The following FCHSD1 variants were observed in gnomAD, a reference collection of about 807,000 sequenced individuals.
FCHSD1 encodes the protein FCH and double SH3 domains 1.
A neutral mutation model predicts 101.3 loss-of-function variants in FCHSD1; 109 were observed. The observed-to-expected ratio is 1.08, with a 90% CI of 0.92 to 1.26. The LOEUF is 1.26. FCHSD1 is among the 50% of genes most tolerant of loss of function. The pLI is 0.00. For missense variants in FCHSD1, 820 were observed against 895.8 expected, an observed-to-expected ratio of 0.92 and a Z score of 1.08; for synonymous variants, 291 against 356.8, an observed-to-expected ratio of 0.82 and a Z score of 2.08.
Position 141,640,306 on chromosome 5 carries a change from A to G in FCHSD1, c.*1192T>C. Reference sequence around the variant, plus strand: ...ACTTCTGATCACCAGGTAGGAAAACACAGCCGGGACTGCACTGGGCTGGGC... The same window carrying G: ...ACTTCTGATCACCAGGTAGGAAAACGCAGCCGGGACTGCACTGGGCTGGGC... On this transcript the variant is annotated 3_prime_UTR_variant, in exon 20 of 20. Coordinates refer to ENST00000435817, the MANE Select transcript of FCHSD1 (RefSeq NM_033449.3). 6.2e-7 allele frequency: 1 copy of G among 1,613,776 alleles called. No homozygotes were observed. Among genetic ancestry groups the G allele is most frequent in the Non-Finnish European group, 8.5e-7 (1 of 1,179,816 alleles).
Position 141,644,877 on chromosome 5 carries a change from A to G in FCHSD1, c.1506T>C (p.Asp502=), listed in dbSNP as rs1375585759. ...GEWLEVIEEG[D]ADEWVKARNQ... is the part of the protein sequence containing the mutation. ...TACCCACCTTGACCCATTCGTCAGC[A>G]TCTCCCTCCTCTATGACCTCCAGCC... Residue 502 remains aspartate (D), a synonymous_variant, in exon 15 of 20, where the codon GAT becomes GAC. Transcript: ENST00000435817. The G allele has an allele frequency of 6.2e-7, 1 of 1,613,502 alleles. No individual in the cohort carries two copies. The highest frequency in any genetic ancestry group is 1.1e-5 in the South Asian group (1 of 91,032).
intron 17 of FCHSD1, 134 bp from the exon 18 acceptor site, chr5:141,643,222 G>C: frequency 1.6e-6 from 1 of 609,254 alleles, no homozygotes; most frequent in Non-Finnish European, 2.7e-6. Flanking sequence ...CATTCGGTGG[G>C]GGGGTGTAGC....
In FCHSD1 at chr5:141,640,277, A is replaced by G. The variant is rs1289314478; in HGVS notation, c.*1221T>C. The G allele has an allele frequency of 3.1e-6, 5 of 1,613,788 alleles. No homozygotes were observed. In the African/African-American group the frequency reaches 5.3e-5, roughly 17 times the overall value. On this transcript the variant is annotated 3_prime_UTR_variant, in exon 20 of 20. Transcript: ENST00000435817. ...AGGCAAATGGGCAGCCAAGCAAACCAGACACTTCTGATCACCAGGTAGGAA... is the reference window on the plus strand; with the variant it reads ...AGGCAAATGGGCAGCCAAGCAAACCGGACACTTCTGATCACCAGGTAGGAA...
Position 141,645,115 on chromosome 5 carries a change from A to G in FCHSD1, c.1345T>C (p.Cys449Arg), listed in dbSNP as rs2099907484. The G allele has an allele frequency of 3.8e-6, 6 of 1,568,826 alleles. No homozygotes were observed. Among genetic ancestry groups the G allele is most frequent in the African/African-American group, 2.7e-5 (2 of 73,670 alleles). ...TCAAAGAGCTCTCCCGTCTCCTCACATTCCTCAAAGTCAGAAAGCTCAGCA... is the reference window on the plus strand; with the variant it reads ...TCAAAGAGCTCTCCCGTCTCCTCACGTTCCTCAAAGTCAGAAAGCTCAGCA... ...EDAELSDFEECEETGELFEEP... is the reference protein window; with the variant it reads ...EDAELSDFEEREETGELFEEP... Residue 449 changes from cysteine to arginine, a missense_variant, in exon 14 of 20, where the codon TGT becomes CGT. Cys to Arg is a radical substitution (Grantham distance 180). Transcript: ENST00000435817.
rs56206715 is a variant in FCHSD1, at chr5:141,643,848, C to CAA, written c.1863+368_1863+369dup. On this transcript the variant is annotated intron_variant, in intron 17 of 19. Transcript: ENST00000435817. ...GGGCAACAAGAGCGAAACTCTGTCT[C>CAA]AAAAAAAAAAAAAAGAAGAAGGCTT... is the stretch of plus-strand genomic sequence containing the variant. Among the ~76,000 whole-genome samples the CAA allele has an allele frequency of 5.2e-3, 651 of 125,046 alleles. 11 individuals are homozygous for CAA. Among genetic ancestry groups the CAA allele is most frequent in the Middle Eastern group, 0.027 (6 of 226 alleles). The allele number at this position is 125,046 out of a possible 152,430, so 82.0% of individuals were successfully genotyped here. A position where few individuals can be genotyped will look rare whatever the true frequency, so the allele number is the denominator to read the frequency against.
At position 141,640,632 on chromosome 5, in the gene FCHSD1, G is replaced by T. The variant is rs1044423092; in HGVS notation, c.*866C>A. 6.5e-7 allele frequency: 1 copy of T among 1,538,880 alleles called. No individual in the cohort carries two copies. The highest frequency in any genetic ancestry group is 8.7e-7 in the Non-Finnish European group (1 of 1,145,588). On this transcript the variant is annotated 3_prime_UTR_variant, in exon 20 of 20. Coordinates refer to ENST00000435817, the MANE Select transcript of FCHSD1 (RefSeq NM_033449.3). ...CCAGGGGAAAAGCTGGACACAGCTT[G>T]AACAGGAAGCAACAGTGTTATTCTT...
At position 141,644,569 on chromosome 5, in the gene FCHSD1, T is replaced by C. The variant is rs469074; in HGVS notation, c.1642+4A>G. 9 of 1,613,274 alleles carry C rather than the reference T, an allele frequency of 5.6e-6. No individual in the cohort carries two copies. In the African/African-American group the frequency reaches 1.2e-4, roughly 22 times the overall value. The stretch of plus-strand genomic sequence containing the variant: ...TCCTCTAACCCAAAATTTCCCTTTC[T>C]TACCTGTGGGCTCTGCCCCGCAGGG... On this transcript the variant is annotated splice_donor_region_variant and intron_variant, in intron 16 of 19. Transcript: ENST00000435817.
chr5:141,642,908 G>T, intron 18 of FCHSD1, 93 bp downstream of exon 18: 1 of 1,284,704 alleles, frequency 7.8e-7, no homozygotes, highest in Non-Finnish European at 1.1e-6. Context: ...ATGCCTGAAG[G>T]CACGGAGAGG....
chr5:141,649,089 G>A lies in FCHSD1; in HGVS notation c.513-69C>T. The A allele has an allele frequency of 6.2e-7, 1 of 1,613,824 alleles. No homozygotes were observed. Among genetic ancestry groups the A allele is most frequent in the Admixed American group, 1.7e-5 (1 of 60,016 alleles). ...GAATATGAGATCAGAGTCAGGCCCAGCTTTGGTGACTTGGCTCCACCCCTA... is the reference window on the plus strand; with the variant it reads ...GAATATGAGATCAGAGTCAGGCCCAACTTTGGTGACTTGGCTCCACCCCTA... On this transcript the variant is annotated intron_variant, in intron 6 of 19. Coordinates refer to ENST00000435817, the MANE Select transcript of FCHSD1 (RefSeq NM_033449.3). This position sits in a 1 kb window ranked among gnomAD's most constrained non-coding sequence, Gnocchi z 4.1.
At chr5:141,650,511 G>A in intron 2 of FCHSD1, 107 bp from the exon 3 acceptor site, 2 of 1,314,790 alleles carry the variant, frequency 1.5e-6, no homozygotes, top group East Asian at 2.3e-5. Context: ...GTTGGGGGGA[G>A]CCAGGTTCCT....
intron 14 of FCHSD1, 37 bp downstream of exon 14, chr5:141,644,983 A>G: frequency 6.2e-7 from 1 of 1,613,478 alleles, no homozygotes; most frequent in South Asian, 1.1e-5. Context: ...GCTGTCCCCC[A>G]CCCTTGCCCA....
rs532597681 is a variant in FCHSD1 at position 141,650,606 on chromosome 5, C to T, written c.120-202G>A. Among the ~76,000 whole-genome samples the T allele has an allele frequency of 8.5e-5, 13 of 152,176 alleles. No individual in the cohort carries two copies. In the East Asian group the frequency reaches 2.5e-3, roughly 29 times the overall value. Reference sequence around the variant, plus strand: ...CAGCTGCAACACAGGAAACCCTCACCTTACTGCCCCGGGCCCCAGCAGGAT... The same window carrying T: ...CAGCTGCAACACAGGAAACCCTCACTTTACTGCCCCGGGCCCCAGCAGGAT... On this transcript the variant is annotated intron_variant, in intron 2 of 19. Transcript: ENST00000435817.
At chr5:141,650,479 C>G (rs959437273) in intron 2 of FCHSD1, 75 bp from the exon 3 acceptor site, 1 of 1,595,860 alleles carries the variant, frequency 6.3e-7, no homozygotes, top group African/African-American at 1.3e-5. Context: ...CCTCAGTCCT[C>G]TACTCTGGGC....
intron 9 of FCHSD1, 43 bp downstream of exon 9, chr5:141,647,354 TA>T: frequency 3.2e-6 from 5 of 1,571,150 alleles, no homozygotes; most frequent in East Asian, 2.3e-5. Flanking sequence ...GAGGGAAGGG[TA>T]AAAAGGATCC....
chr5:141,644,654 C>G lies in FCHSD1; in HGVS notation c.1561G>C (p.Glu521Gln), dbSNP rs2099907432. ...NQHGEVGFVPERYLNFPDLSL... is the reference protein window; with the variant it reads ...NQHGEVGFVPQRYLNFPDLSL... ...AGGTCCGGGAAGTTGAGATATCGCT[C>G]AGGGACAAAGCCTACCTCGCCGTGC... The change falls in exon 16 of 20, where the codon GAG becomes CAG. Residue 521 changes from glutamate (E) to glutamine (Q), a missense_variant. By Grantham distance (29) the Glu-to-Gln change is conservative. Coordinates refer to ENST00000435817, the MANE Select transcript of FCHSD1 (RefSeq NM_033449.3). The G allele has an allele frequency of 6.2e-7, 1 of 1,613,964 alleles. No homozygotes were observed. The highest frequency in any genetic ancestry group is 1.3e-5 in the African/African-American group (1 of 75,034).
At chr5:141,641,804 A>G in intron 18 of FCHSD1, 47 bp from the exon 19 acceptor site, 1 of 1,589,026 alleles carries the variant, frequency 6.3e-7, no homozygotes, top group Non-Finnish European at 8.6e-7. Flanking sequence ...GTTTTGTTCA[A>G]TGCTGTATCT....
At position 141,639,343 on chromosome 5, in the gene FCHSD1, A is replaced by G. The variant is rs977962348; in HGVS notation, c.*2155T>C. On this transcript the variant is annotated 3_prime_UTR_variant, in exon 20 of 20. Coordinates refer to ENST00000435817, the MANE Select transcript of FCHSD1 (RefSeq NM_033449.3). This position sits in a 1 kb window ranked among gnomAD's most constrained non-coding sequence, Gnocchi z 4.4. ...AGTTTATTAGATAAAGACAAGAAAA[A>G]ATGGGGCTTGGGGAAATTGGGGCTT... 6 of 764,910 alleles carry G rather than the reference A, an allele frequency of 7.8e-6. No homozygotes were observed. In the African/African-American group the frequency reaches 1.1e-4, roughly 13 times the overall value. The allele number at this position is 764,910 out of a possible 1,614,324, so 47.4% of individuals were successfully genotyped here. A position where few individuals can be genotyped will look rare whatever the true frequency, so the allele number is the denominator to read the frequency against.
In FCHSD1 at chr5:141,639,806, C is replaced by A; in HGVS notation, c.*1692G>T. 1 of 1,323,338 alleles carries A rather than the reference C, an allele frequency of 7.6e-7. No homozygotes were observed. Among genetic ancestry groups the A allele is most frequent in the Non-Finnish European group, 1.1e-6 (1 of 936,294 alleles). 82.0% of individuals were successfully genotyped at this position (1,323,338 alleles called of 1,614,324 possible). ...GCCCCACAATCTGAGAAGGCCTCCC[C>A]TACCTTAGGCCAGAGGGAAGTAGCC... On this transcript the variant is annotated 3_prime_UTR_variant, in exon 20 of 20. Coordinates refer to ENST00000435817, the MANE Select transcript of FCHSD1 (RefSeq NM_033449.3). The surrounding 1 kb of genome is among the most constrained non-coding windows in gnomAD (Gnocchi z 4.4).
intron 18 of FCHSD1, chr5:141,642,574 A>C: frequency 3.6e-6 from 2 of 553,582 alleles, no homozygotes; most frequent in Non-Finnish European, 6.3e-6. Flanking sequence ...CAGAAAAAAT[A>C]ATGATACAAA....
Sources: allele counts gnomAD v4.1 joint callset (sites outside exome capture counted in the v4.1 genomes callset), GRCh38; gene constraint gnomAD v4.1.1; non-coding constraint Gnocchi (gnomAD v3.1); transcripts MANE v1.5; gene names NCBI Gene and HGNC (gene_info 2026-07-23, HGNC 2026-07-21).